CENPK: variants seen among roughly 807,000 people sequenced by gnomAD.
CENPK encodes centromere protein K, also known as SoxLZ/Sox6-binding protein Solt.
Under a neutral mutation model 40.9 loss-of-function variants are expected in CENPK, and 46 were observed. That is an observed-to-expected ratio of 1.13 (90% CI 0.89 to 1.44). The LOEUF is 1.44. CENPK is among the 40% of genes most tolerant of loss of function. The pLI is 0.00. For missense variants in CENPK, 288 were observed against 303.5 expected (o/e 0.95, Z 0.38); for synonymous variants, 107 against 104.4 (o/e 1.02, Z -0.15).
Position 65,518,459 on chromosome 5 carries a change from A to G in CENPK, c.*16T>C. ...ATGATAAGAATTTTTACTGTGTGAAAAAAGAAAACATCCTTTTACTGATGG... is the reference window on the plus strand; with the variant it reads ...ATGATAAGAATTTTTACTGTGTGAAGAAAGAAAACATCCTTTTACTGATGG... On this transcript the variant is annotated 3_prime_UTR_variant, in exon 11 of 11. Transcript: ENST00000396679. 1 of 1,601,678 alleles carries G rather than the reference A, an allele frequency of 6.2e-7. No individual in the cohort carries two copies. The highest frequency in any genetic ancestry group is 8.5e-7 in the Non-Finnish European group (1 of 1,176,940).
chr5:65,549,607 G>T (rs1749620188), intron 5 of CENPK, among the ~76,000 whole-genome samples: 1 of 152,192 alleles, frequency 6.6e-6, no homozygotes, highest in Non-Finnish European at 1.5e-5. Context: ...TGACGCTTCT[G>T]CCTCAGTACT....
intron 10 of CENPK, among the ~76,000 whole-genome samples, chr5:65,521,262 C>T (rs1190129861): frequency 6.6e-6 from 1 of 152,022 alleles, no homozygotes; most frequent in African/African-American, 2.4e-5. Flanking sequence ...CTTAAATTCA[C>T]ATTATTTTAA....
chr5:65,501,104 A>G, the CENPK span, among the ~76,000 whole-genome samples: 1 of 136,736 alleles, frequency 7.3e-6, no homozygotes, highest in African/African-American at 2.8e-5. Context: ...ATTCTTCTTT[A>G]TATCTTCTAT....
the CENPK span, among the ~76,000 whole-genome samples, chr5:65,502,404 C>A: frequency 6.6e-6 from 1 of 152,168 alleles, no homozygotes; most frequent in East Asian, 1.9e-4. Context: ...TATTTCCTAA[C>A]ATGTATATTA....
At chr5:65,525,900 C>A (rs964819706) in intron 9 of CENPK, among the ~76,000 whole-genome samples, 1 of 152,132 alleles carries the variant, frequency 6.6e-6, no homozygotes, top group African/African-American at 2.4e-5. Context: ...TCGTCTTGAA[C>A]TTCTAGCCTC....
At chr5:65,540,466 T>C (rs1050808520) in intron 6 of CENPK, among the ~76,000 whole-genome samples, 1 of 152,202 alleles carries the variant, frequency 6.6e-6, no homozygotes, top group Non-Finnish European at 1.5e-5. Flanking sequence ...AGTTGACTGA[T>C]GGCTGGGAGC....
the CENPK span, among the ~76,000 whole-genome samples, chr5:65,511,302 G>A: frequency 2.0e-5 from 3 of 152,240 alleles, no homozygotes; most frequent in East Asian, 1.9e-4. Flanking sequence ...CAAGTTATCC[G>A]GAAGATCTAG....
the CENPK span, among the ~76,000 whole-genome samples, chr5:65,501,174 G>GTTTT: frequency 0.014 from 867 of 61,764 alleles, no homozygotes; most frequent in African/African-American, 0.026. Context: ...TGCTAAGTTT[G>GTTTT]TTTTTTTTTT....
chr5:65,558,225 G>A (rs1263835577), intron 2 of CENPK, among the ~76,000 whole-genome samples: 3 of 151,996 alleles, frequency 2.0e-5, no homozygotes, highest in African/African-American at 7.3e-5. Flanking sequence ...GGAGATATAG[G>A]GTTAAAAGAG....
chr5:65,552,563 G>A lies in CENPK; in HGVS notation c.112-14C>T. The stretch of plus-strand genomic sequence containing the variant: ...TTTATTCTGACACTTGATTTAAAAA[G>A]TAAAAAAAGGCAAGTCACACACGAT... On this transcript the variant is annotated splice_polypyrimidine_tract_variant and intron_variant, in intron 3 of 10. Transcript: ENST00000396679. The A allele has an allele frequency of 6.6e-7, 1 of 1,506,178 alleles. No homozygotes were observed. The allele number at this position is 1,506,178 out of a possible 1,614,324, so 93.3% of individuals were successfully genotyped here. A position where few individuals can be genotyped will look rare whatever the true frequency, so the allele number is the denominator to read the frequency against.
intron 9 of CENPK, among the ~76,000 whole-genome samples, chr5:65,527,330 G>A (rs139778987): frequency 6.6e-6 from 1 of 151,564 alleles, no homozygotes; most frequent in African/African-American, 2.4e-5. Context: ...ATGAATGCTT[G>A]GAGATGAGGC....
chr5:65,510,730 T>G, the CENPK span, among the ~76,000 whole-genome samples: 3 of 150,984 alleles, frequency 2.0e-5, no homozygotes, highest in East Asian at 5.8e-4. Context: ...GAGCCGAGAT[T>G]GTGCCACTGC....
chr5:65,545,820 G>C (rs1748843686), intron 5 of CENPK, among the ~76,000 whole-genome samples: 1 of 152,114 alleles, frequency 6.6e-6, no homozygotes, highest in Non-Finnish European at 1.5e-5. Context: ...CTAAGCAGAC[G>C]ACCCAGTTAA....
chr5:65,563,042 G>C, intron 1 of CENPK, 56 bp downstream of exon 1: 1 of 315,172 alleles, frequency 3.2e-6, no homozygotes, highest in Non-Finnish European at 6.0e-6. Context: ...TCACCTTCAG[G>C]ACTGGAGCTC....
chr5:65,529,085 AATG>A, intron 7 of CENPK, 29 bp downstream of exon 7: 1 of 1,539,882 alleles, frequency 6.5e-7, no homozygotes, highest in Non-Finnish European at 8.9e-7. Context: ...AATATATATG[AATG>A]ATTAATAGTA....
At chr5:65,553,534 T>C (rs1750487170) in intron 3 of CENPK, among the ~76,000 whole-genome samples, 1 of 152,194 alleles carries the variant, frequency 6.6e-6, no homozygotes, top group African/African-American at 2.4e-5. Flanking sequence ...AAAGTACATA[T>C]ATTTCAAACA....
rs1422047918 is a variant in CENPK at position 65,563,138 on chromosome 5, C to A, written c.-182G>T. On this transcript the variant is annotated 5_prime_UTR_variant, in exon 1 of 11. Coordinates refer to ENST00000396679, the MANE Select transcript of CENPK (RefSeq NM_022145.5). ...AACTCCAGGTCGCCTAGGCGCTGCG[C>A]AGGAAGCGCTTGCCAGCCCCGGACT... 2 of 797,550 alleles carry A rather than the reference C, an allele frequency of 2.5e-6. No individual in the cohort carries two copies. Among genetic ancestry groups the A allele is most frequent in the Non-Finnish European group, 3.8e-6 (2 of 519,532 alleles). 49.4% of individuals were successfully genotyped at this position (797,550 alleles called of 1,614,324 possible).
At chr5:65,534,446 G>C (rs1746510911) in intron 6 of CENPK, among the ~76,000 whole-genome samples, 1 of 152,122 alleles carries the variant, frequency 6.6e-6, no homozygotes, top group African/African-American at 2.4e-5. Flanking sequence ...CATAATACTT[G>C]ATTTCAAGAC....
intron 9 of CENPK, among the ~76,000 whole-genome samples, chr5:65,524,875 G>A (rs963608374): frequency 6.6e-6 from 1 of 152,136 alleles, no homozygotes; most frequent in African/African-American, 2.4e-5. Flanking sequence ...TTTTACAGCA[G>A]AGTCAATAAC....
Sources: allele counts gnomAD v4.1 joint callset (sites outside exome capture counted in the v4.1 genomes callset), GRCh38; gene constraint gnomAD v4.1.1; transcripts MANE v1.5; gene names NCBI Gene and HGNC (gene_info 2026-07-23, HGNC 2026-07-21).